SERAC1: variants seen among roughly 807,000 people sequenced by gnomAD.
SERAC1 encodes protein SERAC1.
In SERAC1, 36 loss-of-function variants were observed where a neutral mutation model predicts 85.7. That is an observed-to-expected ratio of 0.42 (90% confidence interval 0.32 to 0.55). The LOEUF is 0.55. Among genes scored for constraint, SERAC1 ranks in the 20% least tolerant of loss-of-function variants. SERAC1 has a pLI of 0.11. For missense variants in SERAC1, 629 were observed against 796.2 expected (o/e 0.79, Z 2.53); for synonymous variants, 242 against 265.3 (o/e 0.91, Z 0.85).
Position 158,144,347 on chromosome 6 carries a change from A to T in SERAC1, c.561T>A (p.Ser187Arg). The T allele has an allele frequency of 1.2e-6, 2 of 1,611,926 alleles. No homozygotes were observed. The highest frequency in any genetic ancestry group is 1.7e-6 in the Non-Finnish European group (2 of 1,178,250). The change falls in exon 7 of 17, where the codon AGT (serine) becomes AGA (arginine). Residue 187 changes from serine to arginine, a missense_variant. Ser to Arg is a moderately radical substitution (Grantham distance 110). Transcript: ENST00000647468. ...TLIGLARSEE[S>R]DLRFFLLPPP... ...GTGGTAGGAGAAAAAAGCGAAGATC[A>T]CTCTCTTCGCTTCGTGCCAAACCAA...
At chr6:158,153,166 C>T (rs1785246390) in intron 3 of SERAC1, among the ~76,000 whole-genome samples, 2 of 152,162 alleles carry the variant, frequency 1.3e-5, no homozygotes, top group Admixed American at 6.5e-5. Context: ...CATCCTTAAA[C>T]AACAGAGCTT....
chr6:158,124,936 T>G (rs935013330), intron 10 of SERAC1, among the ~76,000 whole-genome samples: 2 of 152,172 alleles, frequency 1.3e-5, no homozygotes, highest in African/African-American at 4.8e-5. Context: ...AAGGAAAGTC[T>G]TTAGGCTGAA....
At chr6:158,140,320 GAGGTGATCACCAA>G (rs1165259049) in intron 8 of SERAC1, among the ~76,000 whole-genome samples, 5 of 152,194 alleles carry the variant, frequency 3.3e-5, no homozygotes. Flanking sequence ...CCTGAAGGTT[GAGGTGATCACCAA>G]AGGTCAATGA....
chr6:158,158,320 C>T lies in SERAC1; in HGVS notation c.44G>A (p.Gly15Glu), dbSNP rs1785406112. 2 of 1,613,828 alleles carry T rather than the reference C, an allele frequency of 1.2e-6. No homozygotes were observed. The highest frequency in any genetic ancestry group is 1.7e-6 in the Non-Finnish European group (2 of 1,179,820). The change falls in exon 2 of 17, where the codon GGA becomes GAA. Residue 15 changes from glycine to glutamate, a missense_variant. Gly to Glu is a moderately conservative substitution (Grantham distance 98). Coordinates refer to ENST00000647468, the MANE Select transcript of SERAC1 (RefSeq NM_032861.4). ...ACTTTTTGGTGGGGAAGTAGAGGTT[C>T]CTATTCTTCTGCAACAGATGACGCA... is the stretch of plus-strand genomic sequence containing the variant. ...AYCVICCRRI[G>E]TSTSPPKSGT...
Position 158,109,741 on chromosome 6 carries a change from C to A in SERAC1, c.*1625G>T, listed in dbSNP as rs1415390081. 6.6e-6 allele frequency: 1 copy of A among 152,114 alleles called. No homozygotes were observed. Among genetic ancestry groups the A allele is most frequent in the African/African-American group, 2.4e-5 (1 of 41,424 alleles). The allele number at this position is 152,114 out of a possible 1,614,324, so 9.4% of individuals were successfully genotyped here. On this transcript the variant is annotated 3_prime_UTR_variant, in exon 17 of 17. Coordinates refer to ENST00000647468, the MANE Select transcript of SERAC1 (RefSeq NM_032861.4). ...ATTATTTATCATAGACAAAAATGAA[C>A]AGAACCTAGATGTCCATCAGCTGAT...
At chr6:158,131,296 A>C (rs1428177376) in intron 8 of SERAC1, among the ~76,000 whole-genome samples, 2 of 147,600 alleles carry the variant, frequency 1.4e-5, no homozygotes, top group Non-Finnish European at 3.0e-5. Context: ...ATATATTATA[A>C]ATTATATATT....
intron 16 of SERAC1, chr6:158,112,536 C>T (rs1784172373): frequency 6.6e-6 from 1 of 152,010 alleles, no homozygotes; most frequent in African/African-American, 2.4e-5. Context: ...ACTCCTCAAC[C>T]TACAGCATAT....
At position 158,120,652 on chromosome 6, in the gene SERAC1, A is replaced by T. The variant is rs1180932645; in HGVS notation, c.1016-77T>A. 1 of 1,480,878 alleles carries T rather than the reference A, an allele frequency of 6.8e-7. No homozygotes were observed. The highest frequency in any genetic ancestry group is 2.1e-5 in the Admixed American group (1 of 46,538). The allele number at this position is 1,480,878 out of a possible 1,614,324, so 91.7% of individuals were successfully genotyped here. On this transcript the variant is annotated intron_variant, in intron 10 of 16. Coordinates refer to ENST00000647468, the MANE Select transcript of SERAC1 (RefSeq NM_032861.4). This position sits in a 1 kb window ranked among gnomAD's most constrained non-coding sequence, Gnocchi z 4.4. ...ACAGAGAGAGTGAGGTTTCAAACTG[A>T]ATATGATGGGAGAAAGGCAAACCTT...
intron 10 of SERAC1, among the ~76,000 whole-genome samples, chr6:158,124,178 A>T (rs1784483705): frequency 6.6e-6 from 1 of 152,188 alleles, no homozygotes; most frequent in African/African-American, 2.4e-5. Context: ...TACTGATTTG[A>T]TCAGGTCTTT....
rs761405046 is a variant in SERAC1 at position 158,113,491 on chromosome 6, C to A, written c.1786G>T (p.Gly596Cys). 3.7e-6 allele frequency: 6 copies of A among 1,613,998 alleles called. No individual in the cohort carries two copies. In the East Asian group the frequency reaches 1.3e-4, roughly 36 times the overall value. Residue 596 changes from glycine (G) to cysteine (C), a missense_variant, in exon 16 of 17, where the codon GGC becomes TGC. Transcript: ENST00000647468. ...NFVETLPTYI[G>C]SMIKLHVVPV... ...ACCACATGGAGCTTAATCATGCTGC[C>A]AATGTAGGTTGGTAGTGTTTCCACA... is the stretch of plus-strand genomic sequence containing the variant.
intron 8 of SERAC1, among the ~76,000 whole-genome samples, chr6:158,140,231 C>A (rs1784884550): frequency 6.6e-6 from 1 of 152,086 alleles, no homozygotes; most frequent in African/African-American, 2.4e-5. Context: ...AGGAAGGGGG[C>A]TGGTGGCCAG....
intron 5 of SERAC1, 71 bp downstream of exon 5, chr6:158,148,794 G>A (rs1048065572): frequency 3.7e-6 from 4 of 1,095,146 alleles, no homozygotes; most frequent in Non-Finnish European, 5.4e-6. Context: ...ATGAAAAAAA[G>A]TATCAGGTTG....
chr6:158,156,767 TTA>T (rs1785344363), intron 2 of SERAC1, among the ~76,000 whole-genome samples: 1 of 140,290 alleles, frequency 7.1e-6, no homozygotes, highest in South Asian at 2.1e-4. Flanking sequence ...TAAATATATT[TTA>T]TATATAATAA....
intron 8 of SERAC1, among the ~76,000 whole-genome samples, chr6:158,141,994 G>A (rs1345195020): frequency 6.7e-6 from 1 of 149,866 alleles, no homozygotes; most frequent in Non-Finnish European, 1.5e-5. Context: ...TTTTTTTACT[G>A]ACAAAATACG....
At chr6:158,111,535 T>C (rs890108087) in intron 16 of SERAC1, 33 bp from the exon 17 acceptor site, 2 of 1,527,642 alleles carry the variant, frequency 1.3e-6, no homozygotes, top group Admixed American at 2.1e-5. Flanking sequence ...TAAACCTAAG[T>C]AAAAATATAA....
chr6:158,155,106 C>T (rs889844794), intron 3 of SERAC1, among the ~76,000 whole-genome samples: 3 of 152,184 alleles, frequency 2.0e-5, no homozygotes, highest in African/African-American at 7.2e-5. Context: ...GTTCCTAGTA[C>T]ACATTTGGCT....
rs1784388437 is a variant in SERAC1 at position 158,120,340 on chromosome 6, A to G, written c.1166+85T>C. On this transcript the variant is annotated intron_variant, in intron 11 of 16. Coordinates refer to ENST00000647468, the MANE Select transcript of SERAC1 (RefSeq NM_032861.4). This position sits in a 1 kb window ranked among gnomAD's most constrained non-coding sequence, Gnocchi z 4.4. ...CTTATAAGTTATTTAACTTATCTGA[A>G]TTATGCAGAAATAAGTTAAAAATTT... The G allele has an allele frequency of 7.6e-6, 10 of 1,323,018 alleles. No individual in the cohort carries two copies. In the South Asian group the frequency reaches 1.6e-4, roughly 22 times the overall value. 82.0% of individuals were successfully genotyped at this position (1,323,018 alleles called of 1,614,324 possible). A position where few individuals can be genotyped will look rare whatever the true frequency, so the allele number is the denominator to read the frequency against.
At chr6:158,145,503 C>G (rs544934754) in intron 6 of SERAC1, 2 of 149,716 alleles carry the variant, frequency 1.3e-5, no homozygotes, top group African/African-American at 4.9e-5. Flanking sequence ...CTGAGCTTAA[C>G]TTTTCTTTGA....
At chr6:158,155,493 TAATA>T (rs1406866767) in intron 2 of SERAC1, 142 bp from the exon 3 acceptor site, 1 of 565,938 alleles carries the variant, frequency 1.8e-6, no homozygotes, top group African/African-American at 1.9e-5. Flanking sequence ...CAGTTGCTAT[TAATA>T]AATGGTCTCC....
Sources: gnomAD v4.1 joint callset for allele counts (sites outside exome capture counted in the v4.1 genomes callset) on GRCh38, gnomAD v4.1.1 for gene constraint, Gnocchi (gnomAD v3.1) non-coding constraint, MANE v1.5 for transcripts, NCBI Gene and HGNC (gene_info 2026-07-23, HGNC 2026-07-21) for gene names.